The following DNAJC6 variants were observed in gnomAD, a reference collection of about 807,000 sequenced individuals.
DNAJC6 encodes auxilin.
A neutral mutation model predicts 110.0 loss-of-function variants in DNAJC6; 34 were observed. The observed-to-expected ratio is 0.31, with a 90% CI of 0.24 to 0.41. The LOEUF (loss-of-function observed/expected upper bound fraction) is 0.41. DNAJC6 is among the 10% of genes least tolerant of loss of function. The pLI is 1.00. For synonymous variants in DNAJC6, 406 were observed against 437.2 expected (o/e 0.93, Z 0.89); for missense variants, 1,031 against 1,207.8 (o/e 0.85, Z 2.17).
At position 65,389,458 on chromosome 1, in the gene DNAJC6, C is replaced by T. The variant is rs769980617; in HGVS notation, c.1387+9C>T. 1 of 1,613,738 alleles carries T rather than the reference C, an allele frequency of 6.2e-7. No homozygotes were observed. Among genetic ancestry groups the T allele is most frequent in the Non-Finnish European group, 8.5e-7 (1 of 1,179,812 alleles). On this transcript the variant is annotated intron_variant, in intron 10 of 18. Transcript: ENST00000371069. ...TACGCTGGCCTTAGGAGGTATGAGTCACCTGATGGTTTTGTTTTTCAGGAT... is the reference window on the plus strand; with the variant it reads ...TACGCTGGCCTTAGGAGGTATGAGTTACCTGATGGTTTTGTTTTTCAGGAT...
rs543814315 is a variant in DNAJC6, at chr1:65,361,798, A to G, written c.194-2837A>G. 3.9e-5 allele frequency among the ~76,000 whole-genome samples: 6 copies of G among 152,254 alleles called. No individual in the cohort carries two copies. The East Asian group carries it at 1.2e-3, about 29-fold the overall frequency. ...CTGGCAAATTCTGCTTGTAGGTATA[A>G]TCTAGAGAGAGTCTTATGTATGTTA... On this transcript the variant is annotated intron_variant, in intron 1 of 18. Coordinates refer to ENST00000371069, the MANE Select transcript of DNAJC6 (RefSeq NM_001256864.2).
At chr1:65,377,934 C>T (rs1409452377) in intron 4 of DNAJC6, among the ~76,000 whole-genome samples, 1 of 152,198 alleles carries the variant, frequency 6.6e-6, no homozygotes, top group Non-Finnish European at 1.5e-5. Flanking sequence ...AATAGCACTT[C>T]TTGTATCCTT....
chr1:65,352,518 C>G (rs1208448819), intron 1 of DNAJC6, among the ~76,000 whole-genome samples: 3 of 152,096 alleles, frequency 2.0e-5, no homozygotes, highest in African/African-American at 7.2e-5. Context: ...AAAATAAGAG[C>G]AAAAATATAT....
rs1005419688 is a variant in DNAJC6 at position 65,384,053 on chromosome 1, G to A, written c.667-140G>A. On this transcript the variant is annotated intron_variant, in intron 5 of 18. Transcript: ENST00000371069. ...CTGAAACAAATTTTGGTTTTCAAGT[G>A]AATAATTTTTAAATGAAAAGCACCC... 43 of 1,132,688 alleles carry A rather than the reference G, an allele frequency of 3.8e-5. No individual in the cohort carries two copies. In the Admixed American group the frequency reaches 5.8e-4, roughly 15 times the overall value. 70.2% of individuals were successfully genotyped at this position (1,132,688 alleles called of 1,614,324 possible).
intron 1 of DNAJC6, among the ~76,000 whole-genome samples, chr1:65,347,405 C>CT (rs898237039): frequency 4.4e-4 from 64 of 144,376 alleles, no homozygotes; most frequent in South Asian, 6.7e-4. Flanking sequence ...TGTAGATTTT[C>CT]TTTTTTTTTT....
chr1:65,334,404 C>T (rs1393805772), intron 1 of DNAJC6, among the ~76,000 whole-genome samples: 4 of 152,148 alleles, frequency 2.6e-5, no homozygotes, highest in African/African-American at 9.7e-5. Context: ...ATGCGGTGAT[C>T]CAGAAGAAAG....
intron 17 of DNAJC6, among the ~76,000 whole-genome samples, chr1:65,409,815 A>G (rs1646111726): frequency 6.6e-6 from 1 of 152,130 alleles, no homozygotes. Context: ...ATTAGATTTG[A>G]GGTTTTTCCT....
At chr1:65,353,268 G>A (rs1259158598) in intron 1 of DNAJC6, among the ~76,000 whole-genome samples, 7 of 152,140 alleles carry the variant, frequency 4.6e-5, no homozygotes, top group African/African-American at 1.7e-4. Flanking sequence ...GGTTTCTATT[G>A]AGGATTCTGA....
intron 1 of DNAJC6, among the ~76,000 whole-genome samples, chr1:65,315,139 T>C (rs974006337): frequency 3.9e-5 from 6 of 152,236 alleles, no homozygotes; most frequent in Admixed American, 1.3e-4. Flanking sequence ...ATGGTAGCCC[T>C]TAGACAACAG....
intron 1 of DNAJC6, among the ~76,000 whole-genome samples, chr1:65,269,962 G>A (rs981937978): frequency 1.3e-5 from 2 of 152,200 alleles, no homozygotes; most frequent in African/African-American, 4.8e-5. Flanking sequence ...TGCTGAAGAT[G>A]TAGTAAAACC....
At chr1:65,302,107 A>AAT (rs71056094) in intron 1 of DNAJC6, among the ~76,000 whole-genome samples, 17,566 of 53,244 alleles carry the variant, frequency 0.33, 1,431 homozygotes, top group South Asian at 0.44. Flanking sequence ...TATAATATAT[A>AAT]ATATATATAT....
intron 1 of DNAJC6, among the ~76,000 whole-genome samples, chr1:65,298,192 A>C (rs1644945061): frequency 6.6e-6 from 1 of 152,152 alleles, no homozygotes; most frequent in African/African-American, 2.4e-5. Context: ...GCAGTGGGCA[A>C]GGTGAACTAG....
At chr1:65,411,616 A>G (rs1203740160) in intron 18 of DNAJC6, among the ~76,000 whole-genome samples, 190 bp downstream of exon 18, 3 of 152,202 alleles carry the variant, frequency 2.0e-5, no homozygotes, top group Non-Finnish European at 4.4e-5. Flanking sequence ...CAAACTATAT[A>G]TTACAGGGGC....
intron 1 of DNAJC6, among the ~76,000 whole-genome samples, chr1:65,266,927 C>T (rs1399213429): frequency 1.3e-5 from 2 of 149,904 alleles, no homozygotes; most frequent in Non-Finnish European, 3.0e-5. Context: ...GATGGAGTCA[C>T]GCCCTGTCGC....
In DNAJC6 at chr1:65,413,236, G is replaced by T; in HGVS notation, c.*211G>T. The T allele has an allele frequency of 2.0e-6, 1 of 500,698 alleles. No individual in the cohort carries two copies. The highest frequency in any genetic ancestry group is 3.6e-6 in the Non-Finnish European group (1 of 280,804). 31.0% of individuals were successfully genotyped at this position (500,698 alleles called of 1,614,324 possible). On this transcript the variant is annotated 3_prime_UTR_variant, in exon 19 of 19. Coordinates refer to ENST00000371069, the MANE Select transcript of DNAJC6 (RefSeq NM_001256864.2). ...CCATAAAAGATCCAAAGCATGAGAGGAACTTCTAGTCAGATGACCTTGCAG... is the reference window on the plus strand; with the variant it reads ...CCATAAAAGATCCAAAGCATGAGAGTAACTTCTAGTCAGATGACCTTGCAG...
At chr1:65,285,696 A>G (rs1277525762) in intron 1 of DNAJC6, among the ~76,000 whole-genome samples, 1 of 152,000 alleles carries the variant, frequency 6.6e-6, no homozygotes, top group East Asian at 1.9e-4. Context: ...TTTTTGAGAA[A>G]GAGTCTCATT....
chr1:65,380,340 T>C (rs1290032953), intron 5 of DNAJC6, among the ~76,000 whole-genome samples: 1 of 152,250 alleles, frequency 6.6e-6, no homozygotes, highest in African/African-American at 2.4e-5. Flanking sequence ...TTAAAGCTTC[T>C]ATAAACTTTA....
chr1:65,344,795 G>T (rs1645421806), intron 1 of DNAJC6, among the ~76,000 whole-genome samples: 1 of 151,980 alleles, frequency 6.6e-6, no homozygotes, highest in Admixed American at 6.6e-5. Flanking sequence ...TAGTTAACAT[G>T]GGATCCAGGG....
chr1:65,292,184 T>C (rs1039437228), intron 1 of DNAJC6, among the ~76,000 whole-genome samples: 21 of 151,742 alleles, frequency 1.4e-4, no homozygotes, highest in Admixed American at 1.1e-3. Flanking sequence ...ACCTGGCTAA[T>C]TATTTGTGTT....
Sources: gnomAD v4.1 joint callset for allele counts (sites outside exome capture counted in the v4.1 genomes callset) on GRCh38, gnomAD v4.1.1 for gene constraint, MANE v1.5 for transcripts, NCBI Gene and HGNC (gene_info 2026-07-23, HGNC 2026-07-21) for gene names.